NCAM2: variants seen among roughly 807,000 people sequenced by gnomAD.
The protein encoded by NCAM2 is N-CAM-2.
NCAM2 carries 30 observed loss-of-function variants against 98.1 expected under a neutral mutation model. That is an observed-to-expected ratio of 0.31 (90% CI 0.23 to 0.41). The LOEUF is 0.41. NCAM2 is among the 10% of genes least tolerant of loss of function. The probability of loss-of-function intolerance (pLI) is 1.00; values close to 1 mark genes in which losing one functional copy is unlikely to be tolerated. For missense variants in NCAM2, 867 were observed against 1,005.8 expected (o/e 0.86, Z 1.87); for synonymous variants, 368 against 342.4 (o/e 1.07, Z -0.83).
intron 9 of NCAM2, among the ~76,000 whole-genome samples, chr21:21,383,645 G>C (rs1387258277): frequency 2.0e-5 from 3 of 151,902 alleles, no homozygotes; most frequent in Non-Finnish European, 4.4e-5. Context: ...CTTATTAGTA[G>C]TGAAGATGTA....
At chr21:21,058,076 T>C (rs1366649973) in intron 1 of NCAM2, among the ~76,000 whole-genome samples, 1 of 145,190 alleles carries the variant, frequency 6.9e-6, no homozygotes, top group Non-Finnish European at 1.5e-5. Flanking sequence ...TAATGCCCAG[T>C]AACTCTGGGT....
intron 1 of NCAM2, among the ~76,000 whole-genome samples, chr21:21,230,242 A>C (rs1024559199): frequency 1.3e-5 from 2 of 151,318 alleles, no homozygotes; most frequent in African/African-American, 2.4e-5. Context: ...AATGGAAAGA[A>C]GCAATCATTT....
At chr21:21,043,850 C>CA (rs72473034) in intron 1 of NCAM2, among the ~76,000 whole-genome samples, 107,529 of 119,968 alleles carry the variant, frequency 0.9, 48,821 homozygotes, top group East Asian at 0.97. Flanking sequence ...GAGACTCCGT[C>CA]AAAAAAAAAA....
At chr21:21,007,198 A>G (rs1280993077) in intron 1 of NCAM2, among the ~76,000 whole-genome samples, 1 of 152,192 alleles carries the variant, frequency 6.6e-6, no homozygotes, top group Non-Finnish European at 1.5e-5. Flanking sequence ...CCAATGTAAG[A>G]AAATAAGCTC....
intron 1 of NCAM2, among the ~76,000 whole-genome samples, chr21:21,073,503 A>G (rs1200721867): frequency 1.3e-5 from 2 of 152,194 alleles, no homozygotes; most frequent in African/African-American, 4.8e-5. Flanking sequence ...AATACATTGC[A>G]TCCTGTGTTA....
At position 21,527,419 on chromosome 21, in the gene NCAM2, G is replaced by A. The variant is rs142303855; in HGVS notation, c.2283-7118G>A. On this transcript the variant is annotated intron_variant, in intron 16 of 17. Transcript: ENST00000400546. ...GACATTGTTAAGTGAATGAAAAGAC[G>A]AATCACGGAATGGGAGGAAATATTT... 9.0e-4 allele frequency among the ~76,000 whole-genome samples: 137 copies of A among 152,144 alleles called. No individual in the cohort carries two copies. The South Asian group carries it at 0.012, about 13-fold the overall frequency.
chr21:21,245,114 G>A (rs1015392469), intron 1 of NCAM2, among the ~76,000 whole-genome samples: 3 of 151,970 alleles, frequency 2.0e-5, no homozygotes, highest in Non-Finnish European at 2.9e-5. Context: ...TCTATGTGGC[G>A]GCCGTACCAT....
intron 8 of NCAM2, among the ~76,000 whole-genome samples, chr21:21,362,755 G>C (rs1277446229): frequency 6.6e-6 from 1 of 152,120 alleles, no homozygotes; most frequent in Non-Finnish European, 1.5e-5. Flanking sequence ...TTTTCTGAGA[G>C]AGTGCTTGAA....
chr21:21,327,254 G>C (rs967824894), intron 6 of NCAM2, among the ~76,000 whole-genome samples: 1 of 141,344 alleles, frequency 7.1e-6, no homozygotes, highest in African/African-American at 2.7e-5. Flanking sequence ...GTTGCAGTGA[G>C]CTGAGTTCGC....
intron 14 of NCAM2, among the ~76,000 whole-genome samples, chr21:21,470,756 G>C (rs1274546762): frequency 1.3e-5 from 2 of 151,854 alleles, no homozygotes; most frequent in African/African-American, 4.8e-5. Context: ...GGAAATGATT[G>C]ATTGTATTAA....
At chr21:21,429,684 C>T (rs2077287845) in intron 11 of NCAM2, among the ~76,000 whole-genome samples, 1 of 152,112 alleles carries the variant, frequency 6.6e-6, no homozygotes, top group Non-Finnish European at 1.5e-5. Flanking sequence ...TATTTGAAGG[C>T]CAAAACATTA....
chr21:21,160,702 C>T (rs552568467), intron 1 of NCAM2, among the ~76,000 whole-genome samples: 3 of 151,840 alleles, frequency 2.0e-5, no homozygotes, highest in Non-Finnish European at 2.9e-5. Flanking sequence ...CAAGACAATA[C>T]TGAGTATGGT....
chr21:21,395,109 A>G (rs1479930810), intron 9 of NCAM2, among the ~76,000 whole-genome samples: 3 of 152,156 alleles, frequency 2.0e-5, no homozygotes, highest in Non-Finnish European at 4.4e-5. Context: ...AGGTAGGTGG[A>G]TCACCTGAAG....
intron 1 of NCAM2, among the ~76,000 whole-genome samples, chr21:21,033,032 C>T (rs9305996): frequency 0.79 from 120,486 of 151,630 alleles, 48,791 homozygotes; most frequent in East Asian, 0.99. Flanking sequence ...GCAACCTCCG[C>T]CTCCTGGGTT....
intron 1 of NCAM2, among the ~76,000 whole-genome samples, chr21:20,999,596 G>A (rs746545957): frequency 6.6e-6 from 1 of 152,118 alleles, no homozygotes; most frequent in Non-Finnish European, 1.5e-5. Flanking sequence ...AAATAAAATA[G>A]CACTAATTTT....
rs569155856 is a variant in NCAM2 at position 21,257,380 on chromosome 21, C to T, written c.56-23198C>T. Among the ~76,000 whole-genome samples the T allele has an allele frequency of 2.0e-5, 3 of 152,238 alleles. No individual in the cohort carries two copies. In the East Asian group the frequency reaches 5.8e-4, roughly 30 times the overall value. On this transcript the variant is annotated intron_variant, in intron 1 of 17. Coordinates refer to ENST00000400546, the MANE Select transcript of NCAM2 (RefSeq NM_004540.5). ...CCCCATTCTGAATGGAAGACAAAAG[C>T]TTCAGGAACCCTTGATGGCAGATAA...
chr21:21,172,392 G>T (rs557872292), intron 1 of NCAM2, among the ~76,000 whole-genome samples: 1 of 152,118 alleles, frequency 6.6e-6, no homozygotes, highest in Non-Finnish European at 1.5e-5. Context: ...GAATCATGAG[G>T]AGATTTTTTT....
intron 15 of NCAM2, among the ~76,000 whole-genome samples, chr21:21,483,788 TC>T: frequency 6.6e-6 from 1 of 152,264 alleles, no homozygotes; most frequent in African/African-American, 2.4e-5. Context: ...ATTTTCATAA[TC>T]TTTGGTTCCT....
At chr21:21,210,689 C>G (rs1429387404) in intron 1 of NCAM2, 2 of 1,242,316 alleles carry the variant, frequency 1.6e-6, no homozygotes, top group South Asian at 1.4e-5. Context: ...TATTACAGGA[C>G]AGGTCAGCTG....
Sources: allele counts gnomAD v4.1 joint callset (sites outside exome capture counted in the v4.1 genomes callset), GRCh38; gene constraint gnomAD v4.1.1; transcripts MANE v1.5; gene names NCBI Gene and HGNC (gene_info 2026-07-23, HGNC 2026-07-21).